MAB21L3: variants seen among roughly 807,000 people sequenced by gnomAD.
MAB21L3 encodes the protein mab-21 like 3, also known as protein mab-21-like 3.
In MAB21L3, 36 loss-of-function variants were observed where a neutral mutation model predicts 37.7. That is an observed-to-expected ratio of 0.96 (90% CI 0.73 to 1.26). The LOEUF is 1.26. Ranked by LOEUF, MAB21L3 falls within the 50% of genes most tolerant of loss-of-function variation. The pLI, the probability that MAB21L3 is intolerant of heterozygous loss-of-function variation, is 0.00. For missense variants in MAB21L3, 430 were observed against 447.3 expected, an observed-to-expected ratio of 0.96 and a Z score of 0.35; for synonymous variants, 186 against 176.8, an observed-to-expected ratio of 1.05 and a Z score of -0.41.
chr1:116,123,279 G>A (rs1353005945), intron 4 of MAB21L3, among the ~76,000 whole-genome samples: 13 of 152,070 alleles, frequency 8.5e-5, no homozygotes, highest in Non-Finnish European at 1.9e-4. Flanking sequence ...AATTCTGATT[G>A]TTTGCTTTTT....
intron 7 of MAB21L3, among the ~76,000 whole-genome samples, chr1:116,130,322 C>T (rs1378475381): frequency 6.6e-6 from 1 of 152,218 alleles, no homozygotes; most frequent in Non-Finnish European, 1.5e-5. Context: ...TTCTCTGTTT[C>T]AATCCTCCCT....
intron 3 of MAB21L3, among the ~76,000 whole-genome samples, chr1:116,120,060 GC>G (rs1207376260): frequency 2.6e-5 from 4 of 152,122 alleles, no homozygotes; most frequent in Non-Finnish European, 5.9e-5. Flanking sequence ...ACCATGGGCA[GC>G]AGGCGTGACA....
chr1:116,112,382 TC>T, intron 2 of MAB21L3, 24 bp from the exon 3 acceptor site: 1 of 430,478 alleles, frequency 2.3e-6, no homozygotes, highest in South Asian at 4.5e-5. Context: ...CTTTTTAAAT[TC>T]TTTTTTTTTT....
At chr1:116,132,162 G>A (rs76951245) in intron 7 of MAB21L3, among the ~76,000 whole-genome samples, 3,308 of 152,216 alleles carry the variant, frequency 0.022, 113 homozygotes, top group African/African-American at 0.076. Context: ...ACACAAATTT[G>A]CAAGTCATTC....
In MAB21L3 at chr1:116,128,302, C is replaced by T. The variant is rs1468565735; in HGVS notation, c.818C>T (p.Pro273Leu). The change falls in exon 7 of 8, where the codon CCA becomes CTA. Residue 273 changes from proline (P) to leucine (L), a missense_variant. Transcript: ENST00000369500. ...CACCTGAAGGAGGACATCTGGTGCC[C>T]AGGGAACAGGCCGGTTATCACGTCC... ...MRHLKEDIWC[P>L]GNRPVITSHH... 2 of 1,613,484 alleles carry T rather than the reference C, an allele frequency of 1.2e-6. No homozygotes were observed. Among genetic ancestry groups the T allele is most frequent in the Non-Finnish European group, 1.7e-6 (2 of 1,179,946 alleles).
chr1:116,120,913 T>C lies in MAB21L3; in HGVS notation c.49-19T>C. On this transcript the variant is annotated intron_variant, in intron 3 of 7. Transcript: ENST00000369500. Reference sequence around the variant, plus strand: ...CCACAGAGGAAATAACCACCATTGCTGGTCCCTCTCACACCCAGGTGGACT... The same window carrying C: ...CCACAGAGGAAATAACCACCATTGCCGGTCCCTCTCACACCCAGGTGGACT... 2 of 1,613,560 alleles carry C rather than the reference T, an allele frequency of 1.2e-6. No individual in the cohort carries two copies. Among genetic ancestry groups the C allele is most frequent in the Non-Finnish European group, 1.7e-6 (2 of 1,179,734 alleles).
At position 116,133,511 on chromosome 1, in the gene MAB21L3, A is replaced by G; in HGVS notation, c.*146A>G. 1 of 718,430 alleles carries G rather than the reference A, an allele frequency of 1.4e-6. No homozygotes were observed. The highest frequency in any genetic ancestry group is 2.3e-6 in the Non-Finnish European group (1 of 435,246). 44.5% of individuals were successfully genotyped at this position (718,430 alleles called of 1,614,324 possible). ...AATTACATCAAACCAGAAACACTTCAGCAGGGGGAAAACTGTGCCCCAGGA... is the reference window on the plus strand; with the variant it reads ...AATTACATCAAACCAGAAACACTTCGGCAGGGGGAAAACTGTGCCCCAGGA... On this transcript the variant is annotated 3_prime_UTR_variant, in exon 8 of 8. Transcript: ENST00000369500.
chr1:116,118,411 T>C (rs1454495463), intron 3 of MAB21L3, among the ~76,000 whole-genome samples: 1 of 152,026 alleles, frequency 6.6e-6, no homozygotes, highest in Non-Finnish European at 1.5e-5. Context: ...AGGAGTTGCT[T>C]ACCTCTGTCT....
rs761545909 is a variant in MAB21L3 at position 116,128,202 on chromosome 1, C to T, written c.718C>T (p.Arg240Cys). ...SNYHWQLSFL[R>C]AEQVLLEQLD... ...TTATCACTGGCAGCTGAGCTTCCTCCGTGCTGAGCAGGTGTTACTGGAACA... is the reference window on the plus strand; with the variant it reads ...TTATCACTGGCAGCTGAGCTTCCTCTGTGCTGAGCAGGTGTTACTGGAACA... The change falls in exon 7 of 8, where the codon CGT (arginine) becomes TGT (cysteine). Residue 240 changes from arginine to cysteine, a missense_variant. Arg to Cys is a radical substitution (Grantham distance 180). Coordinates refer to ENST00000369500, the MANE Select transcript of MAB21L3 (RefSeq NM_152367.3). The T allele has an allele frequency of 2.7e-5, 44 of 1,613,958 alleles. No individual in the cohort carries two copies. The highest frequency in any genetic ancestry group is 1.6e-4 in the Middle Eastern group (1 of 6,082).
chr1:116,115,113 G>A (rs1166278824), intron 3 of MAB21L3, among the ~76,000 whole-genome samples: 1 of 152,076 alleles, frequency 6.6e-6, no homozygotes, highest in Non-Finnish European at 1.5e-5. Context: ...CTGAACTTTG[G>A]TTTCCTCATC....
chr1:116,120,873 C>G, intron 3 of MAB21L3, 59 bp from the exon 4 acceptor site: 3 of 1,598,616 alleles, frequency 1.9e-6, no homozygotes, highest in Non-Finnish European at 2.6e-6. Flanking sequence ...CTCTCTTATG[C>G]TGGTATCTTG....
Position 116,112,529 on chromosome 1 carries a change from T to C in MAB21L3, c.-87T>C, listed in dbSNP as rs1659450807. 1 of 1,193,774 alleles carries C rather than the reference T, an allele frequency of 8.4e-7. No individual in the cohort carries two copies. The highest frequency in any genetic ancestry group is 1.5e-5 in the African/African-American group (1 of 64,858). The allele number at this position is 1,193,774 out of a possible 1,614,324, so 73.9% of individuals were successfully genotyped here. ...ACCCAGAGACTCACATTACTGGGAG[T>C]GCTATCTACTCACAAGTGTTGCACT... On this transcript the variant is annotated 5_prime_UTR_variant, in exon 3 of 8. Transcript: ENST00000369500.
Position 116,134,963 on chromosome 1 carries a change from TTTC to T in MAB21L3, c.*1599_*1601del, listed in dbSNP as rs1660170840. 6.6e-6 allele frequency: 1 copy of T among 152,174 alleles called. No individual in the cohort carries two copies. The highest frequency in any genetic ancestry group is 1.5e-5 in the Non-Finnish European group (1 of 68,028). 9.4% of individuals were successfully genotyped at this position (152,174 alleles called of 1,614,324 possible). Reference sequence around the variant, plus strand: ...CTAAAGCATGAACTACTGATTTTGTTTTCATGAAAATTCACATTTGAAAATGAA... The same window carrying T: ...CTAAAGCATGAACTACTGATTTTGTTATGAAAATTCACATTTGAAAATGAA... On this transcript the variant is annotated 3_prime_UTR_variant, in exon 8 of 8. Coordinates refer to ENST00000369500, the MANE Select transcript of MAB21L3 (RefSeq NM_152367.3).
intron 7 of MAB21L3, among the ~76,000 whole-genome samples, chr1:116,130,475 C>A (rs896480966): frequency 6.6e-6 from 1 of 152,170 alleles, no homozygotes; most frequent in African/African-American, 2.4e-5. Context: ...GAATTATCTC[C>A]CATTTAGGCA....
intron 3 of MAB21L3, among the ~76,000 whole-genome samples, chr1:116,117,769 T>G (rs1310045891): frequency 6.6e-6 from 1 of 152,168 alleles, no homozygotes; most frequent in Non-Finnish European, 1.5e-5. Context: ...CATTAACATC[T>G]CCCACTCTAT....
intron 3 of MAB21L3, among the ~76,000 whole-genome samples, chr1:116,117,919 C>T (rs1659638530): frequency 6.6e-6 from 1 of 152,150 alleles, no homozygotes; most frequent in African/African-American, 2.4e-5. Flanking sequence ...TCTGGATGTG[C>T]ATGACTCCTT....
chr1:116,120,873 CTGGTATCT>C, intron 3 of MAB21L3, 51 bp from the exon 4 acceptor site: 1 of 1,598,616 alleles, frequency 6.3e-7, no homozygotes, highest in Non-Finnish European at 8.5e-7. Flanking sequence ...CTCTCTTATG[CTGGTATCT>C]TGGGGCCCAC....
At chr1:116,114,577 A>T (rs1474353741) in intron 3 of MAB21L3, among the ~76,000 whole-genome samples, 1 of 152,204 alleles carries the variant, frequency 6.6e-6, no homozygotes, top group Non-Finnish European at 1.5e-5. Context: ...ACACATACTA[A>T]GCACCTGCTT....
At chr1:116,131,602 C>T (rs1196911344) in intron 7 of MAB21L3, among the ~76,000 whole-genome samples, 2 of 152,196 alleles carry the variant, frequency 1.3e-5, no homozygotes, top group South Asian at 2.1e-4. Context: ...GCAAGCTCCA[C>T]CTTCTGGGTT....
Sources: allele counts gnomAD v4.1 joint callset (sites outside exome capture counted in the v4.1 genomes callset), GRCh38; gene constraint gnomAD v4.1.1; transcripts MANE v1.5; gene names NCBI Gene and HGNC (gene_info 2026-07-23, HGNC 2026-07-21).